The following USP30 variants were observed in gnomAD, a reference collection of about 807,000 sequenced individuals.
USP30 encodes ubiquitin carboxyl-terminal hydrolase 30.
A neutral mutation model predicts 68.2 loss-of-function variants in USP30; 41 were observed. The observed-to-expected ratio is 0.60, with a 90% confidence interval of 0.47 to 0.78. The LOEUF (loss-of-function observed/expected upper bound fraction) is 0.78, where lower values mean the gene tolerates loss of function less well. USP30 is among the 30% of genes least tolerant of loss of function. The pLI is 0.00. For synonymous variants in USP30, 229 were observed against 253.7 expected (o/e 0.90, Z 0.93); for missense variants, 522 against 649.4 (o/e 0.80, Z 2.13).
At chr12:109,045,226 G>A (rs10850309) in intron 3 of USP30, among the ~76,000 whole-genome samples, 22,141 of 152,006 alleles carry the variant, frequency 0.15, 1,760 homozygotes, top group Middle Eastern at 0.23. Context: ...TGATCCACCC[G>A]CCTCGGCCTC....
intron 3 of USP30, among the ~76,000 whole-genome samples, chr12:109,062,873 C>G (rs944021959): frequency 2.0e-5 from 3 of 152,142 alleles, no homozygotes; most frequent in Admixed American, 6.6e-5. Context: ...CCCACTCTCC[C>G]CTCCCCCTAG....
chr12:109,086,038 C>A lies in USP30; in HGVS notation c.*107C>A. Reference sequence around the variant, plus strand: ...AAGCGGCCCCACTAGAGCCTTCCAGCCTTCTGGTGTGTTCTAAGAGCAGGC... The same window carrying A: ...AAGCGGCCCCACTAGAGCCTTCCAGACTTCTGGTGTGTTCTAAGAGCAGGC... On this transcript the variant is annotated 3_prime_UTR_variant, in exon 13 of 13. Transcript: ENST00000257548. The A allele has an allele frequency of 2.1e-6, 3 of 1,448,882 alleles. No individual in the cohort carries two copies. Among genetic ancestry groups the A allele is most frequent in the Non-Finnish European group, 2.7e-6 (3 of 1,092,878 alleles). 89.8% of individuals were successfully genotyped at this position (1,448,882 alleles called of 1,614,324 possible). A position where few individuals can be genotyped will look rare whatever the true frequency, so the allele number is the denominator to read the frequency against.
chr12:109,045,418 CAGAAATGTGGGGTG>C (rs2040596056), intron 3 of USP30, among the ~76,000 whole-genome samples: 1 of 151,980 alleles, frequency 6.6e-6, no homozygotes, highest in South Asian at 2.1e-4. Context: ...TTGAAACCAA[CAGAAATGTGGGGTG>C]CAGATCACAG....
In USP30 at chr12:109,071,306, A is replaced by G. The variant is rs559674515; in HGVS notation, c.481-306A>G. Among the ~76,000 whole-genome samples the G allele has an allele frequency of 3.0e-4, 46 of 152,378 alleles. 2 individuals carry two copies. The South Asian group carries it at 5.2e-3, about 17-fold the overall frequency. On this transcript the variant is annotated intron_variant, in intron 4 of 12. Coordinates refer to ENST00000257548, the MANE Select transcript of USP30 (RefSeq NM_032663.5). ...TATTTTACCACAATTAACAAAAAAC[A>G]TAATCTTTTGAAATCGGAGTGGAGG...
chr12:109,035,406 C>T (rs996339836), intron 3 of USP30, among the ~76,000 whole-genome samples: 3 of 151,758 alleles, frequency 2.0e-5, no homozygotes, highest in Non-Finnish European at 2.9e-5. Flanking sequence ...ACTCTATTGC[C>T]AGGCTGGAGT....
chr12:109,067,478 G>A, intron 3 of USP30, 46 bp from the exon 4 acceptor site: 1 of 1,543,144 alleles, frequency 6.5e-7, no homozygotes, highest in Non-Finnish European at 9.0e-7. Flanking sequence ...CTGGTTAGTT[G>A]TTATGCTGAT....
rs766413059 is a variant in USP30 at position 109,056,775 on chromosome 12, A to G, written c.177A>G (p.Arg59=). ...IYVIWGPITE[R]KKRRKGLVPG... ...TTATTTGGGGTCCCATTACAGAAAG[A>G]AAGAAGCGTAGAAAAGGTAAGAATG... is the stretch of plus-strand genomic sequence containing the variant. The change falls in exon 2 of 13, where the codon AGA becomes AGG. Residue 59 remains arginine (R), a synonymous_variant. Transcript: ENST00000257548. 6.2e-7 allele frequency: 1 copy of G among 1,610,526 alleles called. No homozygotes were observed. The highest frequency in any genetic ancestry group is 1.1e-5 in the South Asian group (1 of 90,224).
intron 3 of USP30, among the ~76,000 whole-genome samples, chr12:109,044,821 T>C (rs1033681304): frequency 6.6e-6 from 1 of 152,114 alleles, no homozygotes; most frequent in Non-Finnish European, 1.5e-5. Context: ...TCCAAATTGC[T>C]CTACCTATAC....
At chr12:109,082,387 A>T in intron 9 of USP30, 1 of 540,802 alleles carries the variant, frequency 1.8e-6, no homozygotes, top group East Asian at 3.1e-5. Flanking sequence ...TGTATGGAAC[A>T]GAATTTTTGA....
At position 109,067,629 on chromosome 12, in the gene USP30, T is replaced by TG; in HGVS notation, c.480+3dup. 1 of 1,613,538 alleles carries TG rather than the reference T, an allele frequency of 6.2e-7. No homozygotes were observed. Among genetic ancestry groups the TG allele is most frequent in the Non-Finnish European group, 8.5e-7 (1 of 1,179,512 alleles). On this transcript the variant is annotated splice_region_variant and intron_variant, in intron 4 of 12. Transcript: ENST00000257548. ...CAGATCTCATCATTTGAAGAACAGG[T>TG]GAGTACAACATTTGAACAGGTTTAG... is the stretch of plus-strand genomic sequence containing the variant.
At chr12:109,049,479 G>A (rs189091325), upstream of USP30, among the ~76,000 whole-genome samples, 3 of 152,106 alleles carry the variant, frequency 2.0e-5, no homozygotes, top group East Asian at 3.9e-4. Context: ...GTAACATTAA[G>A]GATCACTGAT....
intron 7 of USP30, among the ~76,000 whole-genome samples, chr12:109,074,651 G>A (rs1024421493): frequency 5.3e-5 from 8 of 152,096 alleles, no homozygotes; most frequent in African/African-American, 1.7e-4. Flanking sequence ...AGATCTAATC[G>A]ACAATAAAAA....
chr12:109,067,876 C>A (rs1456817373), intron 4 of USP30, among the ~76,000 whole-genome samples: 5 of 152,104 alleles, frequency 3.3e-5, no homozygotes, highest in Non-Finnish European at 5.9e-5. Flanking sequence ...AGAGCAAAAT[C>A]TTTTTAGTTC....
In USP30 at chr12:109,085,884, C is replaced by G; in HGVS notation, c.1507C>G (p.Leu503Val). Residue 503 changes from leucine (L) to valine (V), a missense_variant, in exon 13 of 13, where the codon CTT (leucine) becomes GTT (valine). By Grantham distance (32) the Leu-to-Val change is conservative. Coordinates refer to ENST00000257548, the MANE Select transcript of USP30 (RefSeq NM_032663.5). The stretch of plus-strand genomic sequence containing the variant: ...CTACCTGCTGTTCTACGAGCGCGTC[C>G]TTTCCAGGATGCAGCACCAGAGCCA... Reference protein sequence around the residue: ...SAYLLFYERVLSRMQHQSQEC... With the variant: ...SAYLLFYERVVSRMQHQSQEC... 1 of 1,614,230 alleles carries G rather than the reference C, an allele frequency of 6.2e-7. No homozygotes were observed. Among genetic ancestry groups the G allele is most frequent in the South Asian group, 1.1e-5 (1 of 91,084 alleles).
chr12:109,071,545 G>C, intron 4 of USP30, 67 bp from the exon 5 acceptor site: 1 of 1,342,080 alleles, frequency 7.5e-7, no homozygotes, highest in South Asian at 1.2e-5. Context: ...GTCTGCCCGA[G>C]GTGGGTAGTT....
chr12:109,028,642 T>C (rs943424004), intron 3 of USP30, among the ~76,000 whole-genome samples: 1 of 152,162 alleles, frequency 6.6e-6, no homozygotes, highest in Non-Finnish European at 1.5e-5. Context: ...CACGCCTGGC[T>C]AATTTTTGTA....
chr12:109,032,853 G>A (rs2040492040), intron 3 of USP30, among the ~76,000 whole-genome samples: 1 of 152,166 alleles, frequency 6.6e-6, no homozygotes, highest in Admixed American at 6.5e-5. Flanking sequence ...CATGCCAAAA[G>A]CCAGATGGGT....
At chr12:109,054,953 T>C (rs1374891364) in intron 1 of USP30, among the ~76,000 whole-genome samples, 1 of 152,198 alleles carries the variant, frequency 6.6e-6, no homozygotes, top group Non-Finnish European at 1.5e-5. Context: ...ACCAAGTTAA[T>C]GTTTACTGAA....
chr12:109,081,424 C>T (rs2041791138), intron 8 of USP30, 31 bp downstream of exon 8: 7 of 1,610,724 alleles, frequency 4.3e-6, no homozygotes, highest in Non-Finnish European at 5.9e-6. Flanking sequence ...TATTTGGAGT[C>T]TGTTTCAGAA....
Sources: gnomAD v4.1 joint callset for allele counts (sites outside exome capture counted in the v4.1 genomes callset) on GRCh38, gnomAD v4.1.1 for gene constraint, MANE v1.5 for transcripts, NCBI Gene and HGNC (gene_info 2026-07-23, HGNC 2026-07-21) for gene names.